Variants in NSUN7 observed in about 807,000 individuals in gnomAD.
The protein encoded by NSUN7 is NOP2/Sun RNA methyltransferase family member 7.
In NSUN7, 39 loss-of-function variants were observed where a neutral mutation model predicts 58.5. That is an observed-to-expected ratio of 0.67 (90% CI 0.52 to 0.87). The LOEUF is 0.87. Ranked by LOEUF, NSUN7 falls within the 40% of genes least tolerant of loss-of-function variation. The pLI, the probability that NSUN7 is intolerant of heterozygous loss-of-function variation, is 0.00. For missense variants in NSUN7, 765 were observed against 844.1 expected (o/e 0.91, Z 1.16); for synonymous variants, 278 against 303.7 (o/e 0.92, Z 0.88).
At position 40,776,057 on chromosome 4, in the gene NSUN7, T is replaced by C. The variant is rs1181514059; in HGVS notation, c.834T>C (p.Ser278=). ...KDYKLIFQDK[S]RSLAVHSVKA... is the part of the protein sequence containing the mutation. ...ATACCATTATCTTACAGGACAAATC[T>C]CGAAGTCTTGCTGTCCATTCTGTAA... is the stretch of plus-strand genomic sequence containing the variant. The change falls in exon 7 of 12, where the codon TCT becomes TCC. Residue 278 remains serine, a synonymous_variant. Transcript: ENST00000381782. 2 of 1,596,388 alleles carry C rather than the reference T, an allele frequency of 1.3e-6. No individual in the cohort carries two copies. Among genetic ancestry groups the C allele is most frequent in the African/African-American group, 2.7e-5 (2 of 74,462 alleles).
At chr4:40,781,581 G>T (rs938386795) in intron 7 of NSUN7, among the ~76,000 whole-genome samples, 3 of 152,074 alleles carry the variant, frequency 2.0e-5, no homozygotes, top group African/African-American at 7.2e-5. Flanking sequence ...AAGTAGCTGG[G>T]ACTACAGGCA....
At chr4:40,776,669 G>A (rs1291653577) in intron 7 of NSUN7, among the ~76,000 whole-genome samples, 3 of 151,910 alleles carry the variant, frequency 2.0e-5, no homozygotes, top group Non-Finnish European at 4.4e-5. Context: ...AGGCTGGAGT[G>A]TACTGATATG....
chr4:40,771,588 T>C (rs912374241), intron 4 of NSUN7, among the ~76,000 whole-genome samples: 1 of 151,478 alleles, frequency 6.6e-6, no homozygotes, highest in Non-Finnish European at 1.5e-5. Context: ...TGGATGAGAG[T>C]GATGGGAATT....
Position 40,775,044 on chromosome 4 carries a change from T to C in NSUN7, c.825+94T>C. 1 of 564,182 alleles carries C rather than the reference T, an allele frequency of 1.8e-6. No homozygotes were observed. The highest frequency in any genetic ancestry group is 3.1e-6 in the Non-Finnish European group (1 of 327,804). The allele number at this position is 564,182 out of a possible 1,614,324, so 34.9% of individuals were successfully genotyped here. On this transcript the variant is annotated intron_variant, in intron 6 of 11. Coordinates refer to ENST00000381782, the MANE Select transcript of NSUN7 (RefSeq NM_024677.6). This position sits in a 1 kb window ranked among gnomAD's most constrained non-coding sequence, Gnocchi z 4.3. The stretch of plus-strand genomic sequence containing the variant: ...AAATAAAACCTAACACTGTTTATAT[T>C]TTTATAGATTATCAGGGAGGTTTAT...
rs1741524225 is a variant in NSUN7, at chr4:40,762,829, G to A, written c.488+1528G>A. The A allele has an allele frequency of 2.2e-5, 3 of 138,672 alleles. No individual in the cohort carries two copies. The South Asian group carries it at 7.0e-4, about 32-fold the overall frequency. The allele number at this position is 138,672 out of a possible 1,614,324, so 8.6% of individuals were successfully genotyped here. ...GAACTGCACATGGTGAGGGATCTAG[G>A]TTGCATGCTCCTTGTGAGAATCTAA... On this transcript the variant is annotated intron_variant, in intron 4 of 11. Transcript: ENST00000381782.
At position 40,794,452 on chromosome 4, in the gene NSUN7, G is replaced by C; in HGVS notation, c.1258G>C (p.Glu420Gln). ...TCACGTTCTTGCTCAACAGCAGTAT[G>C]AACAGCTAACACATGCAATGAAATG... is the stretch of plus-strand genomic sequence containing the variant. Reference protein sequence around the residue: ...KLHVLAQQQYEQLTHAMKFTK... With the variant: ...KLHVLAQQQYQQLTHAMKFTK... The change falls in exon 9 of 12, where the codon GAA becomes CAA. Residue 420 changes from glutamate (E) to glutamine (Q), a missense_variant. Physicochemically the swap from Glu to Gln is conservative, Grantham distance 29. Coordinates refer to ENST00000381782, the MANE Select transcript of NSUN7 (RefSeq NM_024677.6). 6.2e-7 allele frequency: 1 copy of C among 1,609,608 alleles called. No homozygotes were observed. The highest frequency in any genetic ancestry group is 8.5e-7 in the Non-Finnish European group (1 of 1,176,354).
At chr4:40,789,894 G>A (rs1227771055) in intron 7 of NSUN7, among the ~76,000 whole-genome samples, 1 of 152,108 alleles carries the variant, frequency 6.6e-6, no homozygotes, top group Non-Finnish European at 1.5e-5. Flanking sequence ...CAAAAGTAGA[G>A]GGTTGGCTGT....
At chr4:40,780,536 G>A (rs1307684987) in intron 7 of NSUN7, among the ~76,000 whole-genome samples, 1 of 151,246 alleles carries the variant, frequency 6.6e-6, no homozygotes, top group African/African-American at 2.4e-5. Flanking sequence ...GAGCCCAGGA[G>A]ATCAAAGCTG....
At chr4:40,804,701 G>A (rs1743743390) in intron 10 of NSUN7, among the ~76,000 whole-genome samples, 1 of 152,184 alleles carries the variant, frequency 6.6e-6, no homozygotes, top group African/African-American at 2.4e-5. Context: ...AGCAGTGCAT[G>A]AGAGGTCTTA....
intron 7 of NSUN7, chr4:40,786,621 C>G: frequency 6.2e-7 from 1 of 1,612,338 alleles, no homozygotes. Context: ...CCTGTGCAAT[C>G]ATAGGAGATG....
chr4:40,790,384 A>G (rs976886036), intron 7 of NSUN7, among the ~76,000 whole-genome samples: 5 of 152,218 alleles, frequency 3.3e-5, no homozygotes, highest in African/African-American at 1.2e-4. Context: ...TTAAATTTCA[A>G]CATCATTTCA....
intron 6 of NSUN7, 39 bp downstream of exon 6, chr4:40,774,989 C>A (rs1742198871): frequency 2.4e-6 from 2 of 818,348 alleles, no homozygotes; most frequent in Non-Finnish European, 3.9e-6. Context: ...TCTCAACAAT[C>A]CAACCTAGCC....
rs1343828188 is a variant in NSUN7, at chr4:40,750,232, A to G, written c.-160A>G. The G allele has an allele frequency of 6.4e-6, 1 of 155,934 alleles. No homozygotes were observed. The highest frequency in any genetic ancestry group is 1.4e-5 in the Non-Finnish European group (1 of 70,676). 9.7% of individuals were successfully genotyped at this position (155,934 alleles called of 1,614,324 possible). On this transcript the variant is annotated 5_prime_UTR_variant, in exon 1 of 12. Transcript: ENST00000381782. ...GTCGCCCCGCAGTCCCGGGGCTCCC[A>G]AGGGCCTGTGACCGACGCCGCCCTC...
chr4:40,782,196 T>G (rs1742606245), intron 7 of NSUN7, among the ~76,000 whole-genome samples: 1 of 152,126 alleles, frequency 6.6e-6, no homozygotes, highest in Non-Finnish European at 1.5e-5. Flanking sequence ...AAAATCCTTT[T>G]TATAACATCA....
At chr4:40,779,206 T>C (rs1742410168) in intron 7 of NSUN7, among the ~76,000 whole-genome samples, 1 of 152,016 alleles carries the variant, frequency 6.6e-6, no homozygotes, top group Non-Finnish European at 1.5e-5. Flanking sequence ...GCTGTAGTCC[T>C]AGCTACTCAG....
chr4:40,769,159 A>C (rs1209146084), intron 4 of NSUN7, among the ~76,000 whole-genome samples: 1 of 152,130 alleles, frequency 6.6e-6, no homozygotes, highest in African/African-American at 2.4e-5. Flanking sequence ...CTACCATCCA[A>C]ATCTATGCCA....
chr4:40,792,487 C>T (rs919552476), intron 8 of NSUN7, among the ~76,000 whole-genome samples: 6 of 152,120 alleles, frequency 3.9e-5, no homozygotes, highest in African/African-American at 9.7e-5. Flanking sequence ...AGCGGTGGCT[C>T]ACGCCTGTAA....
At chr4:40,808,029 CAAAAAAAAAA>C (rs397878278) in intron 11 of NSUN7, among the ~76,000 whole-genome samples, 2 of 60,174 alleles carry the variant, frequency 3.3e-5, no homozygotes, top group South Asian at 7.2e-4. Context: ...GACTCCATCT[CAAAAAAAAAA>C]AAAAAAAAAA....
At chr4:40,766,562 G>T (rs1741739059) in intron 4 of NSUN7, among the ~76,000 whole-genome samples, 1 of 152,170 alleles carries the variant, frequency 6.6e-6, no homozygotes, top group Non-Finnish European at 1.5e-5. Context: ...CTGTGTCTCT[G>T]CCTGGCTTTG....
Sources: allele counts gnomAD v4.1 joint callset (sites outside exome capture counted in the v4.1 genomes callset), GRCh38; gene constraint gnomAD v4.1.1; non-coding constraint Gnocchi (gnomAD v3.1); transcripts MANE v1.5; gene names NCBI Gene and HGNC (gene_info 2026-07-23, HGNC 2026-07-21).